Variants in CYP24A1 observed in about 807,000 individuals in gnomAD.
CYP24A1 encodes the protein cytochrome P450 family 24 subfamily A member 1.
Under a neutral mutation model 62.4 loss-of-function variants are expected in CYP24A1, and 68 were observed. The ratio of observed to expected loss-of-function variants is 1.09; its 90% CI spans 0.90 to 1.33. CYP24A1 has a LOEUF of 1.33. CYP24A1 is among the 40% of genes most tolerant of loss of function. CYP24A1 has a pLI of 0.00. For synonymous variants in CYP24A1, 267 were observed against 253.0 expected, an observed-to-expected ratio of 1.06 and a Z score of -0.52; for missense variants, 787 against 653.0, an observed-to-expected ratio of 1.21 and a Z score of -2.24.
rs776150853 is a variant in CYP24A1, at chr20:54,173,035, T to A, written c.323A>T (p.His108Leu). The change falls in exon 2 of 12, where the codon CAC becomes CTC. Residue 108 changes from histidine to leucine, a missense_variant. Transcript: ENST00000216862. The surrounding 1 kb of genome is among the most constrained non-coding windows in gnomAD (Gnocchi z 7.2). ...RMKLGSFESV[H>L]LGSPCLLEAL... ...TTCCAGCAGGCATGGCGAGCCCAGG[T>A]GCACCGACTCAAAGGAACCCAACTT... 10 of 1,609,578 alleles carry A rather than the reference T, an allele frequency of 6.2e-6. No homozygotes were observed. Among genetic ancestry groups the A allele is most frequent in the Admixed American group, 3.3e-5 (2 of 60,006 alleles).
intron 7 of CYP24A1, 116 bp from the exon 8 acceptor site, chr20:54,159,239 T>G: frequency 1.2e-6 from 1 of 804,436 alleles, no homozygotes. Flanking sequence ...AGTGAAGCTC[T>G]TTCACGCGTC....
chr20:54,151,970 T>C (rs1200455267), downstream of CYP24A1, among the ~76,000 whole-genome samples: 2 of 152,150 alleles, frequency 1.3e-5, no homozygotes, highest in Non-Finnish European at 2.9e-5. Flanking sequence ...GAGGAGAGAC[T>C]GGGGCAGCAA....
In CYP24A1 at chr20:54,173,835, C is replaced by A; in HGVS notation, c.-256G>T. Reference sequence around the variant, plus strand: ...GCCGCAGGGGCTGGAAGAGGGTGGCCGGTGTCTGGGGACCTCTTGAAAAGG... The same window carrying A: ...GCCGCAGGGGCTGGAAGAGGGTGGCAGGTGTCTGGGGACCTCTTGAAAAGG... On this transcript the variant is annotated 5_prime_UTR_variant, in exon 1 of 12. Transcript: ENST00000216862. The surrounding 1 kb of genome is among the most constrained non-coding windows in gnomAD (Gnocchi z 7.2). The A allele has an allele frequency of 1.8e-6, 1 of 556,846 alleles. No homozygotes were observed. The highest frequency in any genetic ancestry group is 3.2e-6 in the Non-Finnish European group (1 of 312,432). The allele number at this position is 556,846 out of a possible 1,614,324, so 34.5% of individuals were successfully genotyped here. A position where few individuals can be genotyped will look rare whatever the true frequency, so the allele number is the denominator to read the frequency against.
intron 2 of CYP24A1, among the ~76,000 whole-genome samples, chr20:54,172,395 A>G (rs1231187168): frequency 3.3e-5 from 5 of 152,210 alleles, no homozygotes; most frequent in African/African-American, 1.2e-4. Flanking sequence ...TGTCGACCTA[A>G]AACACAACTT....
At chr20:54,164,624 T>G in intron 5 of CYP24A1, 61 bp from the exon 6 acceptor site, 1 of 1,613,216 alleles carries the variant, frequency 6.2e-7, no homozygotes. Flanking sequence ...ACAATGTTCG[T>G]TCTGGAAGAG....
rs1471163292 is a variant in CYP24A1 at position 54,173,000 on chromosome 20, G to A, written c.358C>T (p.Arg120Cys). 2 of 1,611,960 alleles carry A rather than the reference G, an allele frequency of 1.2e-6. No individual in the cohort carries two copies. The highest frequency in any genetic ancestry group is 1.7e-6 in the Non-Finnish European group (2 of 1,180,050). The change falls in exon 2 of 12, where the codon CGC becomes TGC. Residue 120 changes from arginine to cysteine, a missense_variant. Transcript: ENST00000216862. ...GSPCLLEALY[R>C]TESAYPQRLE... ...CGCTGCGGGTACGCGCTCTCGGTGC[G>A]GTACAGCGCTTCCAGCAGGCATGGC...
At chr20:54,163,690 C>T (rs541610762) in intron 6 of CYP24A1, among the ~76,000 whole-genome samples, 8 of 152,338 alleles carry the variant, frequency 5.3e-5, no homozygotes, top group South Asian at 4.1e-4. Context: ...TATTCCCCTT[C>T]GTCATGTGGC....
chr20:54,173,053 CCCAACTTCATGCGGAAA>C lies in CYP24A1; in HGVS notation c.288_304del (p.Ile96MetfsTer4). On this transcript the variant is annotated frameshift_variant, in exon 2 of 12. Transcript: ENST00000216862. LOFTEE classifies it high-confidence loss of function. This position sits in a 1 kb window ranked among gnomAD's most constrained non-coding sequence, Gnocchi z 7.2. ...GCCCAGGTGCACCGACTCAAAGGAACCCAACTTCATGCGGAAAATCTTGCCATACTTCTTGTGGTACT... is the reference window on the plus strand; with the variant it reads ...GCCCAGGTGCACCGACTCAAAGGAACATCTTGCCATACTTCTTGTGGTACT... The C allele has an allele frequency of 6.2e-7, 1 of 1,607,746 alleles. No homozygotes were observed. The highest frequency in any genetic ancestry group is 8.5e-7 in the Non-Finnish European group (1 of 1,180,000).
chr20:54,151,204 C>T (rs555402002), downstream of CYP24A1, among the ~76,000 whole-genome samples: 5 of 152,260 alleles, frequency 3.3e-5, no homozygotes, highest in East Asian at 7.7e-4. Context: ...GGGCAATTCC[C>T]GGAACTGAGG....
downstream of CYP24A1, among the ~76,000 whole-genome samples, chr20:54,150,358 G>T (rs541758092): frequency 6.6e-6 from 1 of 152,192 alleles, no homozygotes; most frequent in East Asian, 1.9e-4. Flanking sequence ...TTTTGATATT[G>T]AATTTCACTT....
chr20:54,168,857 T>TCCCTC (rs2092683315), intron 4 of CYP24A1, among the ~76,000 whole-genome samples: 1 of 38,122 alleles, frequency 2.6e-5, no homozygotes, highest in Non-Finnish European at 5.2e-5. Flanking sequence ...CTTCCTTCCT[T>TCCCTC]CCTTCCTTCC....
intron 7 of CYP24A1, among the ~76,000 whole-genome samples, chr20:54,160,472 C>T (rs1022990719): frequency 9.2e-5 from 14 of 152,342 alleles, no homozygotes; most frequent in Admixed American, 8.5e-4. Flanking sequence ...GCCACTCACA[C>T]AAATGAGCAC....
intron 7 of CYP24A1, among the ~76,000 whole-genome samples, chr20:54,160,928 G>A (rs16999116): frequency 0.14 from 20,762 of 152,210 alleles, 1,681 homozygotes; most frequent in East Asian, 0.38. Flanking sequence ...TGACCTCCAT[G>A]GAACAGACCA....
intron 7 of CYP24A1, among the ~76,000 whole-genome samples, chr20:54,160,428 G>A (rs1031811545): frequency 1.3e-5 from 2 of 152,272 alleles, no homozygotes; most frequent in Admixed American, 6.5e-5. Context: ...GTCCACCTCC[G>A]CAGACATGAA....
intron 2 of CYP24A1, 185 bp from the exon 3 acceptor site, chr20:54,171,855 G>C: frequency 1.4e-6 from 2 of 1,386,984 alleles, no homozygotes; most frequent in Non-Finnish European, 1.9e-6. Flanking sequence ...TTTGACAATA[G>C]TTTGACAATA....
chr20:54,152,509 A>T (rs1248672305), downstream of CYP24A1, among the ~76,000 whole-genome samples: 1 of 152,244 alleles, frequency 6.6e-6, no homozygotes, highest in Non-Finnish European at 1.5e-5. Context: ...GATCTAAGTC[A>T]TCAAGGAAGA....
chr20:54,145,814 G>T, the CYP24A1 span, among the ~76,000 whole-genome samples: 5 of 152,220 alleles, frequency 3.3e-5, no homozygotes, highest in Admixed American at 2.6e-4. Context: ...CAAGCCACAG[G>T]CTCCGCCACA....
chr20:54,146,407 G>A, the CYP24A1 span, among the ~76,000 whole-genome samples: 2 of 152,142 alleles, frequency 1.3e-5, no homozygotes, highest in African/African-American at 4.8e-5. Context: ...ATCAATTGGT[G>A]TTGGCACAAT....
chr20:54,169,670 C>A lies in CYP24A1; in HGVS notation c.562G>T (p.Gly188Cys), dbSNP rs2146503471. ...TCATCACAGAGCTCATCTATTCTGC[C>A]CATAAAATCGGCCAAGACCTTCAAA... is the stretch of plus-strand genomic sequence containing the variant. ...KINEVLADFM[G>C]RIDELCDERG... is the part of the protein sequence containing the mutation. The change falls in exon 4 of 12, where the codon GGC becomes TGC. Residue 188 changes from glycine to cysteine, a missense_variant. By Grantham distance (159) the Gly-to-Cys change is radical (BLOSUM62 -3). Transcript: ENST00000216862. 6.2e-7 allele frequency: 1 copy of A among 1,614,106 alleles called. No individual in the cohort carries two copies. Among genetic ancestry groups the A allele is most frequent in the Non-Finnish European group, 8.5e-7 (1 of 1,180,014 alleles).
Sources: gnomAD v4.1 joint callset for allele counts (sites outside exome capture counted in the v4.1 genomes callset) on GRCh38, gnomAD v4.1.1 for gene constraint, Gnocchi (gnomAD v3.1) non-coding constraint, MANE v1.5 for transcripts, NCBI Gene and HGNC (gene_info 2026-07-23, HGNC 2026-07-21) for gene names.